Variants in TNR observed in about 807,000 individuals in gnomAD.
The protein encoded by TNR is tenascin-R.
TNR carries 45 observed loss-of-function variants against 150.4 expected under a neutral mutation model. That is an observed-to-expected ratio of 0.30 (90% CI 0.24 to 0.38). TNR has a LOEUF of 0.38. TNR is among the 10% of genes least tolerant of loss of function. The pLI, the probability that TNR is intolerant of heterozygous loss-of-function variation, is 1.00. For missense variants in TNR, 1,544 were observed against 1,759.1 expected (o/e 0.88, Z 2.19); for synonymous variants, 687 against 678.4 (o/e 1.01, Z -0.20).
At chr1:175,648,402 G>C (rs538008218) in intron 1 of TNR, among the ~76,000 whole-genome samples, 10 of 152,072 alleles carry the variant, frequency 6.6e-5, no homozygotes, top group Non-Finnish European at 1.5e-4. Flanking sequence ...ACAGCCTCAG[G>C]CTACCCAGTC....
At chr1:175,404,318 G>A (rs1245734270) in intron 3 of TNR, among the ~76,000 whole-genome samples, 1 of 152,096 alleles carries the variant, frequency 6.6e-6, no homozygotes, top group Non-Finnish European at 1.5e-5. Context: ...CTCCCTGCCT[G>A]CCATCTGACT....
chr1:175,615,250 A>C (rs1344831859), intron 1 of TNR, among the ~76,000 whole-genome samples: 2 of 152,188 alleles, frequency 1.3e-5, no homozygotes, highest in African/African-American at 4.8e-5. Flanking sequence ...GCTGAAGGGG[A>C]GGGAGGATTC....
At chr1:175,507,663 C>T (rs1468021872) in intron 2 of TNR, among the ~76,000 whole-genome samples, 1 of 152,150 alleles carries the variant, frequency 6.6e-6, no homozygotes, top group Non-Finnish European at 1.5e-5. Context: ...TGTTTTCCCA[C>T]CCAGCATAAT....
intron 1 of TNR, among the ~76,000 whole-genome samples, chr1:175,606,395 CA>C (rs1359456046): frequency 1.3e-5 from 2 of 152,146 alleles, no homozygotes; most frequent in Non-Finnish European, 2.9e-5. Flanking sequence ...TGAGTTGGCA[CA>C]GTATTCCTTT....
At chr1:175,440,554 A>G (rs1655736394) in intron 2 of TNR, among the ~76,000 whole-genome samples, 2 of 151,710 alleles carry the variant, frequency 1.3e-5, no homozygotes, top group Non-Finnish European at 2.9e-5. Flanking sequence ...AAAATAAAGG[A>G]AAAAAAAGTG....
At chr1:175,550,136 C>T (rs1660879133) in intron 1 of TNR, among the ~76,000 whole-genome samples, 1 of 152,106 alleles carries the variant, frequency 6.6e-6, no homozygotes, top group Non-Finnish European at 1.5e-5. Context: ...TTTAGAAGAA[C>T]AGAAAAAGCA....
chr1:175,703,676 G>A (rs957475810), intron 1 of TNR, among the ~76,000 whole-genome samples: 1 of 152,038 alleles, frequency 6.6e-6, no homozygotes, highest in Admixed American at 6.6e-5. Context: ...ATATGAAAAG[G>A]TAAATCACAA....
intron 1 of TNR, among the ~76,000 whole-genome samples, chr1:175,713,512 G>T (rs899904545): frequency 6.6e-6 from 1 of 152,034 alleles, no homozygotes; most frequent in African/African-American, 2.4e-5. Context: ...TCCACAACTC[G>T]CTACTCCCCA....
In TNR at chr1:175,354,502, C is replaced by A. The variant is rs1651225635; in HGVS notation, c.3271G>T (p.Asp1091Tyr). 2 of 1,613,968 alleles carry A rather than the reference C, an allele frequency of 1.2e-6. No homozygotes were observed. Among genetic ancestry groups the A allele is most frequent in the South Asian group, 1.1e-5 (1 of 91,092 alleles). The change falls in exon 18 of 23, where the codon GAC becomes TAC. Residue 1091 changes from aspartate to tyrosine, a missense_variant. This residue lies in a region of TNR where 290 missense variants were observed against 429.7 expected (regional missense o/e 0.67). Transcript: ENST00000367674. ...SRKELIVDAEDTWIRLEGLLE... is the reference protein window; with the variant it reads ...SRKELIVDAEYTWIRLEGLLE... Reference sequence around the variant, plus strand: ...AGGCCCTCCAGTCGAATCCAGGTGTCTTCTGCATCCACAATCAGCTCCTGT... The same window carrying A: ...AGGCCCTCCAGTCGAATCCAGGTGTATTCTGCATCCACAATCAGCTCCTGT...
At chr1:175,685,780 C>T (rs1459475907) in intron 1 of TNR, among the ~76,000 whole-genome samples, 1 of 152,108 alleles carries the variant, frequency 6.6e-6, no homozygotes, top group African/African-American at 2.4e-5. Flanking sequence ...TCTGCAAAAT[C>T]CCATAATTAT....
intron 2 of TNR, among the ~76,000 whole-genome samples, chr1:175,526,321 G>C (rs1198017620): frequency 1.3e-5 from 2 of 152,178 alleles, no homozygotes; most frequent in Non-Finnish European, 2.9e-5. Flanking sequence ...CATAAGGTGT[G>C]GGGGTATAGA....
At chr1:175,349,230 C>T (rs1490056889) in intron 18 of TNR, among the ~76,000 whole-genome samples, 1 of 152,194 alleles carries the variant, frequency 6.6e-6, no homozygotes, top group East Asian at 1.9e-4. Context: ...AGCAATTCCT[C>T]TTCTGGGCAT....
chr1:175,739,487 T>C (rs1224318369), intron 1 of TNR, among the ~76,000 whole-genome samples: 2 of 148,410 alleles, frequency 1.3e-5, no homozygotes, highest in Non-Finnish European at 2.9e-5. Flanking sequence ...ATACCACACA[T>C]GCACACACAT....
intron 1 of TNR, among the ~76,000 whole-genome samples, chr1:175,684,210 G>A (rs773290210): frequency 2.8e-4 from 42 of 152,148 alleles, no homozygotes; most frequent in Non-Finnish European, 8.8e-5. Context: ...CATCAAATAT[G>A]AAGCCACTCA....
chr1:175,668,225 G>A (rs1308897489), intron 1 of TNR, among the ~76,000 whole-genome samples: 2 of 152,150 alleles, frequency 1.3e-5, no homozygotes, highest in East Asian at 3.9e-4. Context: ...GAAATTAACA[G>A]ATAAAGTATC....
At chr1:175,445,939 C>A (rs1433844061) in intron 2 of TNR, among the ~76,000 whole-genome samples, 2 of 152,162 alleles carry the variant, frequency 1.3e-5, no homozygotes, top group Non-Finnish European at 2.9e-5. Context: ...GATATAATTT[C>A]ATTCGAGCCA....
intron 2 of TNR, among the ~76,000 whole-genome samples, chr1:175,518,340 C>T (rs1230688580): frequency 6.6e-6 from 1 of 152,212 alleles, no homozygotes; most frequent in Non-Finnish European, 1.5e-5. Flanking sequence ...GAACGTCTCT[C>T]AGACTGTGCA....
intron 1 of TNR, among the ~76,000 whole-genome samples, chr1:175,547,689 AG>A (rs1660768069): frequency 6.6e-6 from 1 of 152,134 alleles, no homozygotes; most frequent in South Asian, 2.1e-4. Context: ...AGAGAAAGAA[AG>A]AAAAAAGAAA....
chr1:175,553,607 G>A (rs1399486507), intron 1 of TNR, among the ~76,000 whole-genome samples: 7 of 152,064 alleles, frequency 4.6e-5, no homozygotes, highest in African/African-American at 7.2e-5. Context: ...CAATATTTCT[G>A]TGGTAATTAA....
Sources: gnomAD v4.1 joint callset for allele counts (sites outside exome capture counted in the v4.1 genomes callset) on GRCh38, gnomAD v4.1.1 for gene constraint, gnomAD v4.1.1 regional missense constraint, MANE v1.5 for transcripts, NCBI Gene and HGNC (gene_info 2026-07-23, HGNC 2026-07-21) for gene names.